The following ZFR variants were observed in gnomAD, a reference collection of about 807,000 sequenced individuals.
ZFR encodes zinc finger RNA-binding protein.
ZFR carries 19 observed loss-of-function variants against 130.7 expected under a neutral mutation model. The ratio of observed to expected loss-of-function variants is 0.15; its 90% CI spans 0.10 to 0.21. The LOEUF is 0.21. Among genes scored for constraint, ZFR ranks in the 10% least tolerant of loss-of-function variants. ZFR has a pLI of 1.00. For synonymous variants in ZFR, 466 were observed against 456.9 expected (o/e 1.02, Z -0.25); for missense variants, 872 against 1,321.5 (o/e 0.66, Z 5.27).
intron 11 of ZFR, among the ~76,000 whole-genome samples, chr5:32,390,842 A>G (rs1161595670): frequency 6.6e-6 from 1 of 152,216 alleles, no homozygotes; most frequent in African/African-American, 2.4e-5. Context: ...TGTCTCTACT[A>G]TGAAGAAAAA....
intron 5 of ZFR, among the ~76,000 whole-genome samples, chr5:32,411,393 C>T (rs1753704425): frequency 1.3e-5 from 2 of 152,086 alleles, no homozygotes; most frequent in Non-Finnish European, 2.9e-5. Context: ...CAACCATGAA[C>T]TGAAAATATT....
chr5:32,403,349 G>A lies in ZFR; in HGVS notation c.1273C>T (p.Pro425Ser). 1.2e-6 allele frequency: 2 copies of A among 1,614,160 alleles called. No individual in the cohort carries two copies. The highest frequency in any genetic ancestry group is 1.7e-6 in the Non-Finnish European group (2 of 1,180,008). ...GAAGTAGCTTGGCTAACAACATTTG[G>A]TTCTGTTGATGGAATGGGTTTACCA... ...KLGKPIPSTE[P>S]NVVSQATSST... The change falls in exon 8 of 20, where the codon CCA (proline) becomes TCA (serine). Residue 425 changes from proline to serine, a missense_variant. Pro to Ser is a moderately conservative substitution (Grantham distance 74). This residue lies in a region of ZFR where 143 missense variants were observed against 137.9 expected (regional missense o/e 1.04). Transcript: ENST00000265069.
chr5:32,385,746 C>G, intron 14 of ZFR, 97 bp from the exon 15 acceptor site: 1 of 1,401,464 alleles, frequency 7.1e-7, no homozygotes, highest in African/African-American at 1.4e-5. Flanking sequence ...CTACCCTAAC[C>G]ATTCTATATG....
chr5:32,431,931 C>A (rs139204759), intron 2 of ZFR, among the ~76,000 whole-genome samples: 26 of 151,988 alleles, frequency 1.7e-4, no homozygotes, highest in African/African-American at 6.3e-4. Context: ...CTCAGATGAT[C>A]TTCCCACCTC....
intron 1 of ZFR, 116 bp downstream of exon 1, chr5:32,444,506 G>C: frequency 7.6e-7 from 1 of 1,319,602 alleles, no homozygotes; most frequent in Non-Finnish European, 9.9e-7. Context: ...TCACTCGCAC[G>C]CCCGGGTGGC....
intron 6 of ZFR, 29 bp from the exon 7 acceptor site, chr5:32,404,126 C>T (rs754487372): frequency 3.9e-6 from 6 of 1,551,670 alleles, no homozygotes; most frequent in South Asian, 2.4e-5. Flanking sequence ...AAACATTTTG[C>T]TTCACTAATT....
intron 2 of ZFR, among the ~76,000 whole-genome samples, chr5:32,424,746 A>G (rs754336932): frequency 1.3e-5 from 2 of 152,242 alleles, no homozygotes; most frequent in Non-Finnish European, 1.5e-5. Flanking sequence ...TCATAATCAT[A>G]GAATGGTACT....
chr5:32,390,788 T>C (rs927463166), intron 11 of ZFR, among the ~76,000 whole-genome samples: 1 of 152,116 alleles, frequency 6.6e-6, no homozygotes, highest in Admixed American at 6.5e-5. Context: ...AGATCAACAT[T>C]TGGGAATTTT....
intron 6 of ZFR, among the ~76,000 whole-genome samples, chr5:32,405,964 A>C (rs1753572901): frequency 6.6e-6 from 1 of 152,216 alleles, no homozygotes; most frequent in Non-Finnish European, 1.5e-5. Context: ...AGGTAGGGCA[A>C]ATGAGAGATG....
chr5:32,364,355 A>AACT, intron 17 of ZFR, 80 bp from the exon 18 acceptor site: 2 of 1,119,252 alleles, frequency 1.8e-6, no homozygotes. Context: ...TAAAGACTGA[A>AACT]AAAATTTTAA....
chr5:32,370,089 ATTTTTTTT>A (rs933446377), intron 17 of ZFR, among the ~76,000 whole-genome samples: 2 of 121,930 alleles, frequency 1.6e-5, no homozygotes, highest in African/African-American at 6.3e-5. Context: ...ACAGTGGCAG[ATTTTTTTT>A]TTTTTTTTTT....
intron 5 of ZFR, 98 bp from the exon 6 acceptor site, chr5:32,407,119 T>C (rs576523110): frequency 1.2e-5 from 13 of 1,090,214 alleles, no homozygotes; most frequent in African/African-American, 3.2e-5. Flanking sequence ...CCAATAAAGA[T>C]AGATTTACAT....
intron 2 of ZFR, among the ~76,000 whole-genome samples, chr5:32,421,398 T>C (rs763822364): frequency 2.6e-5 from 4 of 152,180 alleles, no homozygotes; most frequent in Admixed American, 2.0e-4. Context: ...CTGGTGTGCA[T>C]AGTAACATAG....
At chr5:32,426,280 G>C (rs975227261) in intron 2 of ZFR, among the ~76,000 whole-genome samples, 1 of 151,548 alleles carries the variant, frequency 6.6e-6, no homozygotes, top group African/African-American at 2.4e-5. Context: ...AAAATACGGT[G>C]ACAAGTTCAA....
rs1458423195 is a variant in ZFR, at chr5:32,385,618, C to G, written c.2531G>C (p.Cys844Ser). 2 of 1,613,302 alleles carry G rather than the reference C, an allele frequency of 1.2e-6. No individual in the cohort carries two copies. The highest frequency in any genetic ancestry group is 1.7e-5 in the Admixed American group (1 of 59,998). ...AATTATTGCCGCTTCAGATACAGCA[C>G]ATTTTATGTCATACTTCTCAGGGCT... is the stretch of plus-strand genomic sequence containing the variant. Reference protein sequence around the residue: ...VISPEKYDIKCAVSEAAIILN... With the variant: ...VISPEKYDIKSAVSEAAIILN... Residue 844 changes from cysteine to serine, a missense_variant, in exon 15 of 20, where the codon TGT becomes TCT. Around this residue, in one of 7 missense-constraint regions of ZFR, gnomAD observed 225 missense variants for 282.4 expected, o/e 0.80. Transcript: ENST00000265069.
chr5:32,431,000 G>A (rs543204979), intron 2 of ZFR, among the ~76,000 whole-genome samples: 8 of 152,264 alleles, frequency 5.3e-5, no homozygotes, highest in East Asian at 1.9e-4. Flanking sequence ...GCTTGAGCCC[G>A]GGAGGTTGAA....
chr5:32,435,696 ATGCCT>A (rs901727854), intron 2 of ZFR, among the ~76,000 whole-genome samples: 7 of 152,182 alleles, frequency 4.6e-5, no homozygotes, highest in Non-Finnish European at 1.0e-4. Context: ...TTTCAAAGAC[ATGCCT>A]TGCCCATTTA....
intron 15 of ZFR, chr5:32,380,526 TTCAG>T: frequency 1.2e-5 from 2 of 171,786 alleles, no homozygotes; most frequent in East Asian, 2.9e-4. Context: ...ACTGAGTTTG[TTCAG>T]TACTCTAAAT....
At chr5:32,405,541 C>G (rs1176415654) in intron 6 of ZFR, among the ~76,000 whole-genome samples, 1 of 152,218 alleles carries the variant, frequency 6.6e-6, no homozygotes, top group Admixed American at 6.5e-5. Flanking sequence ...ATCTATCACC[C>G]AAGCGTCACG....
Sources: allele counts gnomAD v4.1 joint callset (sites outside exome capture counted in the v4.1 genomes callset), GRCh38; gene constraint gnomAD v4.1.1; regional missense constraint gnomAD v4.1.1; transcripts MANE v1.5; gene names NCBI Gene and HGNC (gene_info 2026-07-23, HGNC 2026-07-21).